ABCA4: variants seen among roughly 807,000 people sequenced by gnomAD.
ABCA4 encodes the protein ATP binding cassette subfamily A member 4, also known as retinal-specific phospholipid-transporting ATPase ABCA4.
Under a neutral mutation model 263.7 loss-of-function variants are expected in ABCA4, and 196 were observed. The ratio of observed to expected loss-of-function variants is 0.74; its 90% CI spans 0.66 to 0.84. The LOEUF (loss-of-function observed/expected upper bound fraction) is 0.84. ABCA4 is among the 40% of genes least tolerant of loss of function. ABCA4 has a pLI of 0.00. For synonymous variants in ABCA4, 1,133 were observed against 1,094.2 expected, an observed-to-expected ratio of 1.04 and a Z score of -0.70; for missense variants, 2,792 against 2,855.1, an observed-to-expected ratio of 0.98 and a Z score of 0.50.
At chr1:94,113,948 AT>A (rs1322001318) in intron 1 of ABCA4, among the ~76,000 whole-genome samples, 1 of 152,236 alleles carries the variant, frequency 6.6e-6, no homozygotes. Flanking sequence ...GAGATGTGGA[AT>A]TATGGAGAGG....
At chr1:94,107,252 C>T (rs1048896163) in intron 4 of ABCA4, among the ~76,000 whole-genome samples, 1 of 152,200 alleles carries the variant, frequency 6.6e-6, no homozygotes, top group East Asian at 1.9e-4. Context: ...AAGCCCCTAA[C>T]AGCTGCTTTC....
intron 14 of ABCA4, 147 bp from the exon 15 acceptor site, chr1:94,056,969 A>G: frequency 1.4e-6 from 1 of 740,224 alleles, no homozygotes; most frequent in South Asian, 1.5e-5. Context: ...TAATCCTAGG[A>G]ATGCCATTTT....
At chr1:94,067,219 TAAAAC>T (rs145932836) in intron 11 of ABCA4, among the ~76,000 whole-genome samples, 41,567 of 151,926 alleles carry the variant, frequency 0.27, 6,043 homozygotes, top group East Asian at 0.6. Flanking sequence ...GTATACCTCT[TAAAAC>T]AAAAAAGCTA....
chr1:94,040,015 A>G, intron 24 of ABCA4, 28 bp downstream of exon 24: 1 of 1,570,496 alleles, frequency 6.4e-7, no homozygotes, highest in South Asian at 1.2e-5. Flanking sequence ...GCCAGACGGA[A>G]CCCAAGTATG....
chr1:94,026,995 T>G (rs1660057802), intron 30 of ABCA4, among the ~76,000 whole-genome samples: 3 of 144,572 alleles, frequency 2.1e-5, no homozygotes, highest in East Asian at 2.0e-4. Flanking sequence ...AGAGAAAGAG[T>G]GAGAAAGAGT....
chr1:94,029,659 A>G (rs748863694), intron 29 of ABCA4, 28 bp from the exon 30 acceptor site: 2 of 1,600,760 alleles, frequency 1.2e-6, no homozygotes, highest in Middle Eastern at 3.4e-4. Context: ...AATATTCCAT[A>G]ATCAGCCTCA....
At chr1:94,071,103 AT>A (rs1338450661) in intron 11 of ABCA4, among the ~76,000 whole-genome samples, 2 of 152,272 alleles carry the variant, frequency 1.3e-5, no homozygotes, top group East Asian at 1.9e-4. Context: ...TTTGAATTGG[AT>A]TTGTACAATC....
At position 94,001,053 on chromosome 1, in the gene ABCA4, A is replaced by G; in HGVS notation, c.6335T>C (p.Val2112Ala). The change falls in exon 46 of 50, where the codon GTC (valine) becomes GCC (alanine). Residue 2112 changes from valine to alanine, a missense_variant. Transcript: ENST00000370225. The stretch of plus-strand genomic sequence containing the variant: ...CCCTTCTCTGATGATGCTCACGATG[A>G]CGTTCCACAGCATGCGGCGTGCCTG... ...DPQARRMLWN[V>A]IVSIIREGRA... is the part of the protein sequence containing the mutation. 1 of 1,614,058 alleles carries G rather than the reference A, an allele frequency of 6.2e-7. No homozygotes were observed. Among genetic ancestry groups the G allele is most frequent in the Non-Finnish European group, 8.5e-7 (1 of 1,180,006 alleles).
chr1:93,998,480 C>CA (rs1659074397), intron 47 of ABCA4, among the ~76,000 whole-genome samples: 1 of 151,466 alleles, frequency 6.6e-6, no homozygotes, highest in Non-Finnish European at 1.5e-5. Context: ...GACCCTGTCT[C>CA]AAAAAAACCG....
intron 32 of ABCA4, among the ~76,000 whole-genome samples, chr1:94,022,996 G>T (rs951297936): frequency 6.6e-6 from 1 of 152,236 alleles, no homozygotes; most frequent in Admixed American, 6.5e-5. Context: ...CAGGAATGGG[G>T]TGAGTCTGGG....
chr1:94,105,986 G>C (rs1345941698), intron 4 of ABCA4, among the ~76,000 whole-genome samples: 1 of 152,238 alleles, frequency 6.6e-6, no homozygotes, highest in Non-Finnish European at 1.5e-5. Context: ...CAGCGCCCCG[G>C]TGAATCTCAA....
chr1:94,037,017 A>G (rs1412943454), intron 25 of ABCA4, 128 bp downstream of exon 25: 1 of 1,053,248 alleles, frequency 9.5e-7, no homozygotes, highest in East Asian at 2.4e-5. Context: ...AAAAATAAAG[A>G]TAGTTGCTAT....
rs747046963 is a variant in ABCA4 at position 94,001,098 on chromosome 1, G to C, written c.6290C>G (p.Pro2097Arg). The change falls in exon 46 of 50, where the codon CCC becomes CGC. Residue 2097 changes from proline (P) to arginine (R), a missense_variant. Transcript: ENST00000370225. ...TGCCTGGGGGTCCATCCCTGTGGTGGGCTCATCCTGGGGGGTGGAGAGAAG... is the reference window on the plus strand; with the variant it reads ...TGCCTGGGGGTCCATCCCTGTGGTGCGCTCATCCTGGGGGGTGGAGAGAAG... ...GCPPLVLLDE[P>R]TTGMDPQARR... 6.2e-7 allele frequency: 1 copy of C among 1,613,740 alleles called. No homozygotes were observed. The highest frequency in any genetic ancestry group is 2.2e-5 in the East Asian group (1 of 44,874).
intron 17 of ABCA4, 108 bp from the exon 18 acceptor site, chr1:94,049,065 T>A: frequency 2.0e-6 from 2 of 1,000,326 alleles, no homozygotes; most frequent in Non-Finnish European, 3.1e-6. Flanking sequence ...CTAGCCAGCC[T>A]TTGACCTGCT....
At chr1:94,062,460 G>A (rs897652475) in intron 13 of ABCA4, 117 bp downstream of exon 13, 6 of 1,305,092 alleles carry the variant, frequency 4.6e-6, no homozygotes, top group African/African-American at 4.4e-5. Flanking sequence ...TTTGGCTCTG[G>A]TCCCTGGGGC....
chr1:94,060,267 C>T (rs923959760), intron 14 of ABCA4, among the ~76,000 whole-genome samples: 1 of 152,208 alleles, frequency 6.6e-6, no homozygotes. Context: ...GCAGCTTCTC[C>T]AGATGGTCAC....
chr1:94,062,346 A>G (rs1250948746), intron 13 of ABCA4, among the ~76,000 whole-genome samples: 2 of 151,896 alleles, frequency 1.3e-5, no homozygotes, highest in Non-Finnish European at 2.9e-5. Context: ...TTTTCCAGCT[A>G]CAACATCAAC....
At chr1:94,096,796 G>A (rs1036757997) in intron 6 of ABCA4, among the ~76,000 whole-genome samples, 14 of 152,192 alleles carry the variant, frequency 9.2e-5, no homozygotes, top group Admixed American at 6.5e-5. Context: ...TGGTGGCCAA[G>A]GTGCTTCAAG....
At chr1:94,027,547 CA>C (rs1352135979) in intron 30 of ABCA4, among the ~76,000 whole-genome samples, 1 of 152,130 alleles carries the variant, frequency 6.6e-6, no homozygotes, top group Non-Finnish European at 1.5e-5. Flanking sequence ...TATGATGCAG[CA>C]GATGAGCTGT....
Sources: gnomAD v4.1 joint callset for allele counts (sites outside exome capture counted in the v4.1 genomes callset) on GRCh38, gnomAD v4.1.1 for gene constraint, MANE v1.5 for transcripts, NCBI Gene and HGNC (gene_info 2026-07-23, HGNC 2026-07-21) for gene names.